The following ASTN2 variants were observed in gnomAD, a reference collection of about 807,000 sequenced individuals.
The protein encoded by ASTN2 is astrotactin 2, also known as astrotactin-2.
ASTN2 carries 54 observed loss-of-function variants against 139.8 expected under a neutral mutation model. The observed-to-expected ratio is 0.39, with a 90% CI of 0.31 to 0.48. ASTN2 has a LOEUF of 0.48. ASTN2 is among the 20% of genes least tolerant of loss of function. The pLI, the probability that ASTN2 is intolerant of heterozygous loss-of-function variation, is 0.95. For synonymous variants in ASTN2, 756 were observed against 719.5 expected, an observed-to-expected ratio of 1.05 and a Z score of -0.81; for missense variants, 1,565 against 1,725.1, an observed-to-expected ratio of 0.91 and a Z score of 1.64.
At chr9:116,997,937 T>G (rs1837071515) in intron 7 of ASTN2, among the ~76,000 whole-genome samples, 1 of 152,192 alleles carries the variant, frequency 6.6e-6, no homozygotes, top group Admixed American at 6.5e-5. Flanking sequence ...ACACTCCATC[T>G]GCTATATATA....
rs147727355 is a variant in ASTN2 at position 116,477,280 on chromosome 9, T to C, written c.3497+10079A>G. Among the ~76,000 whole-genome samples, 1,468 of 152,222 alleles carry C rather than the reference T, an allele frequency of 9.6e-3. 30 individuals carry two copies. Among genetic ancestry groups the C allele is most frequent in the African/African-American group, 0.034 (1,413 of 41,520 alleles). On this transcript the variant is annotated intron_variant, in intron 20 of 22. Coordinates refer to ENST00000313400, the MANE Select transcript of ASTN2 (RefSeq NM_001365068.1). ...TATTTGCTTCTGGCTTGAGGACAGC[T>C]ATTCCCCTCTCCCAGGCCCCAACTG...
intron 3 of ASTN2, among the ~76,000 whole-genome samples, chr9:117,182,710 G>A (rs538590944): frequency 1.5e-4 from 23 of 151,890 alleles, no homozygotes; most frequent in Non-Finnish European, 2.9e-4. Flanking sequence ...TCATCTTAGG[G>A]CAATCCCAGT....
At chr9:117,198,372 T>C (rs1392039502) in intron 3 of ASTN2, among the ~76,000 whole-genome samples, 1 of 152,226 alleles carries the variant, frequency 6.6e-6, no homozygotes, top group Non-Finnish European at 1.5e-5. Context: ...TTCCTTTTTA[T>C]GGCTGCATAG....
chr9:117,257,607 T>A (rs112402197), intron 2 of ASTN2, among the ~76,000 whole-genome samples: 25 of 152,292 alleles, frequency 1.6e-4, no homozygotes, highest in African/African-American at 5.8e-4. Flanking sequence ...TTTTTCTCAT[T>A]TTCTCCCCAG....
chr9:117,086,977 T>C (rs995232888), intron 5 of ASTN2, among the ~76,000 whole-genome samples: 3 of 152,130 alleles, frequency 2.0e-5, no homozygotes, highest in Non-Finnish European at 4.4e-5. Context: ...AGAATACTGC[T>C]TGATCTGTCT....
rs1173572299 is a variant in ASTN2 at position 116,840,667 on chromosome 9, G to A, written c.2041-19884C>T. ...GGGCTCCTCACTTCTCAGACGGGGC[G>A]GTTGCCAGGCAGAGGGTCTCCTCAC... On this transcript the variant is annotated intron_variant, in intron 11 of 22. Transcript: ENST00000313400. Among the ~76,000 whole-genome samples, 244 of 90,502 alleles carry A rather than the reference G, an allele frequency of 2.7e-3. 2 individuals carry two copies. Among genetic ancestry groups the A allele is most frequent in the African/African-American group, 7.5e-3 (222 of 29,466 alleles). 59.4% of individuals were successfully genotyped at this position (90,502 alleles called of 152,430 possible). A position where few individuals can be genotyped will look rare whatever the true frequency, so the allele number is the denominator to read the frequency against.
At chr9:117,259,302 C>G (rs1833766284) in intron 2 of ASTN2, among the ~76,000 whole-genome samples, 1 of 152,072 alleles carries the variant, frequency 6.6e-6, no homozygotes, top group Non-Finnish European at 1.5e-5. Context: ...ATGTATAAGC[C>G]AAAAATAAAA....
At chr9:116,966,460 C>T (rs1193502313) in intron 10 of ASTN2, among the ~76,000 whole-genome samples, 2 of 152,144 alleles carry the variant, frequency 1.3e-5, no homozygotes, top group Non-Finnish European at 2.9e-5. Flanking sequence ...CAAAGACTTA[C>T]AGAAATTTGG....
At chr9:116,605,610 C>A (rs1855152923) in intron 19 of ASTN2, among the ~76,000 whole-genome samples, 1 of 151,974 alleles carries the variant, frequency 6.6e-6, no homozygotes, top group South Asian at 2.1e-4. Flanking sequence ...TAAGGTTCTT[C>A]TACTTGGAAC....
At chr9:116,592,291 C>G (rs1401918114) in intron 19 of ASTN2, among the ~76,000 whole-genome samples, 2 of 152,028 alleles carry the variant, frequency 1.3e-5, no homozygotes, top group African/African-American at 4.8e-5. Context: ...GCTGAGGAGG[C>G]CTCAGGAAAC....
chr9:116,624,514 C>T (rs946253279), intron 17 of ASTN2, among the ~76,000 whole-genome samples: 6 of 152,204 alleles, frequency 3.9e-5, no homozygotes, highest in African/African-American at 1.4e-4. Flanking sequence ...AGGAAGGGGG[C>T]TCTTCTAGCT....
At chr9:117,208,723 TAAAC>T (rs1323847722) in intron 3 of ASTN2, among the ~76,000 whole-genome samples, 1 of 151,806 alleles carries the variant, frequency 6.6e-6, no homozygotes, top group Non-Finnish European at 1.5e-5. Flanking sequence ...AAAAAATAAA[TAAAC>T]AAAATCAGCA....
At chr9:116,679,737 C>T (rs1859726230) in intron 16 of ASTN2, among the ~76,000 whole-genome samples, 1 of 152,160 alleles carries the variant, frequency 6.6e-6, no homozygotes, top group Non-Finnish European at 1.5e-5. Context: ...AACCGCTCAA[C>T]TACATGGAAA....
chr9:117,099,261 G>A (rs953127085), intron 4 of ASTN2, among the ~76,000 whole-genome samples: 6 of 152,164 alleles, frequency 3.9e-5, no homozygotes, highest in African/African-American at 1.4e-4. Context: ...AGAGCAAAAA[G>A]GAGGGTCTAT....
chr9:117,412,013 C>CA (rs1439351426), intron 1 of ASTN2, among the ~76,000 whole-genome samples: 1 of 150,200 alleles, frequency 6.7e-6, no homozygotes, highest in African/African-American at 2.5e-5. Context: ...CCCCTCCCCC[C>CA]CCCAACCCCC....
At chr9:116,830,831 C>G (rs1006064999) in intron 11 of ASTN2, among the ~76,000 whole-genome samples, 4 of 150,408 alleles carry the variant, frequency 2.7e-5, no homozygotes, top group African/African-American at 9.8e-5. Flanking sequence ...AAGAAAGATA[C>G]CAGCCCTCAT....
At chr9:117,248,839 C>T (rs1160663299) in intron 2 of ASTN2, among the ~76,000 whole-genome samples, 1 of 152,138 alleles carries the variant, frequency 6.6e-6, no homozygotes, top group African/African-American at 2.4e-5. Flanking sequence ...ACTCTCATGC[C>T]CTTTGTGCAA....
At chr9:116,822,086 A>G (rs1451463978) in intron 11 of ASTN2, among the ~76,000 whole-genome samples, 5 of 151,910 alleles carry the variant, frequency 3.3e-5, no homozygotes, top group Admixed American at 6.6e-5. Context: ...CCTTCCCACC[A>G]TGAGACCCCA....
At chr9:117,372,717 A>C (rs2130915213) in intron 1 of ASTN2, among the ~76,000 whole-genome samples, 1 of 152,264 alleles carries the variant, frequency 6.6e-6, no homozygotes, top group South Asian at 2.1e-4. Flanking sequence ...TAGATTTAAA[A>C]ATTTTTAAAT....
Sources: gnomAD v4.1 joint callset for allele counts (sites outside exome capture counted in the v4.1 genomes callset) on GRCh38, gnomAD v4.1.1 for gene constraint, MANE v1.5 for transcripts, NCBI Gene and HGNC (gene_info 2026-07-23, HGNC 2026-07-21) for gene names.